Variants in NOTCH2 observed in about 807,000 individuals in gnomAD.
NOTCH2 encodes neurogenic locus notch homolog protein 2.
Under a neutral mutation model 235.8 loss-of-function variants are expected in NOTCH2, and 29 were observed. The observed-to-expected ratio is 0.12, with a 90% CI of 0.09 to 0.17. The LOEUF (loss-of-function observed/expected upper bound fraction) is 0.17. Ranked by LOEUF, NOTCH2 falls within the 10% of genes least tolerant of loss-of-function variation. The pLI is 1.00. For synonymous variants in NOTCH2, 1,086 were observed against 1,141.5 expected (o/e 0.95, Z 0.98); for missense variants, 2,285 against 3,150.2 (o/e 0.73, Z 6.57).
At chr1:119,966,579 C>G in intron 8 of NOTCH2, 90 bp from the exon 9 acceptor site, 1 of 858,856 alleles carries the variant, frequency 1.2e-6, no homozygotes, top group African/African-American at 1.7e-5. Flanking sequence ...TAACTACATC[C>G]TTTGCGAGTA....
intron 16 of NOTCH2, 56 bp downstream of exon 16, chr1:119,948,951 C>G (rs1650360184): frequency 1.2e-6 from 2 of 1,611,842 alleles, no homozygotes; most frequent in South Asian, 1.1e-5. Flanking sequence ...ATAACCTGAC[C>G]ACTTTGTTTA....
intron 1 of NOTCH2, among the ~76,000 whole-genome samples, chr1:120,045,394 T>C (rs1654742574): frequency 1.7e-5 from 2 of 116,442 alleles, no homozygotes; most frequent in South Asian, 6.1e-4. Context: ...CAAGGTCCTG[T>C]AGGACACTCT....
chr1:120,017,816 C>A (rs1553208339), intron 2 of NOTCH2, among the ~76,000 whole-genome samples: 1 of 150,578 alleles, frequency 6.6e-6, no homozygotes, highest in African/African-American at 2.4e-5. Flanking sequence ...CATACACACA[C>A]ACAGTCCTCA....
intron 2 of NOTCH2, among the ~76,000 whole-genome samples, chr1:120,025,096 A>C (rs1224354929): frequency 6.6e-6 from 1 of 151,922 alleles, no homozygotes; most frequent in Non-Finnish European, 1.5e-5. Context: ...GATACTGAGG[A>C]GTCAGAGGTA....
chr1:120,066,520 T>G (rs1655511685), intron 1 of NOTCH2, among the ~76,000 whole-genome samples: 1 of 149,904 alleles, frequency 6.7e-6, no homozygotes, highest in South Asian at 2.1e-4. Context: ...TCAATGCAAA[T>G]TTTGTGGGCA....
chr1:119,966,168 A>G (rs897895645), intron 9 of NOTCH2, among the ~76,000 whole-genome samples: 10 of 152,232 alleles, frequency 6.6e-5, no homozygotes, highest in East Asian at 1.9e-4. Context: ...ATTCAAGAAT[A>G]GACTTGGACT....
chr1:119,950,621 G>A (rs782073221), intron 15 of NOTCH2, 103 bp downstream of exon 15: 22 of 793,942 alleles, frequency 2.8e-5, no homozygotes, highest in South Asian at 1.4e-4. Flanking sequence ...GTGAGCCCTC[G>A]GAGGAGCATT....
In NOTCH2 at chr1:119,950,585, G is replaced by C. The variant is rs1353792958; in HGVS notation, c.2479+139C>G. The C allele has an allele frequency of 3.7e-5, 27 of 727,696 alleles. No individual in the cohort carries two copies. In the Admixed American group the frequency reaches 5.2e-4, roughly 14 times the overall value. The allele number at this position is 727,696 out of a possible 1,614,324, so 45.1% of individuals were successfully genotyped here. A position where few individuals can be genotyped will look rare whatever the true frequency, so the allele number is the denominator to read the frequency against. On this transcript the variant is annotated intron_variant, in intron 15 of 33. Transcript: ENST00000256646. ...TTCCTCAAAGCTCAAGATCCAGTCA[G>C]TAAAGGCAGGAAGGACAACTGAGGA...
At position 119,916,245 on chromosome 1, in the gene NOTCH2, C is replaced by T. The variant is rs145566650; in HGVS notation, c.6477G>A (p.Thr2159=). Reference sequence around the variant, plus strand: ...GAGAGGATGTGGTGTCGGAAACATACGTGTGAGGAGATTCTAGGGAATCAA... The same window carrying T: ...GAGAGGATGTGGTGTCGGAAACATATGTGTGAGGAGATTCTAGGGAATCAA... ...SPVDSLESPH[T]YVSDTTSSPM... is the part of the protein sequence containing the mutation. Residue 2159 remains threonine, a synonymous_variant, in exon 34 of 34, where the codon ACG becomes ACA. Coordinates refer to ENST00000256646, the MANE Select transcript of NOTCH2 (RefSeq NM_024408.4). The T allele has an allele frequency of 9.5e-5, 153 of 1,614,164 alleles. No homozygotes were observed. The highest frequency in any genetic ancestry group is 9.3e-5 in the Non-Finnish European group (110 of 1,180,028).
chr1:119,921,314 G>C (rs1557804553), intron 29 of NOTCH2, among the ~76,000 whole-genome samples: 1 of 152,096 alleles, frequency 6.6e-6, no homozygotes, highest in Non-Finnish European at 1.5e-5. Flanking sequence ...CTTTCATTTT[G>C]CCAATGTCAA....
chr1:119,968,671 C>G (rs968817108), intron 6 of NOTCH2, among the ~76,000 whole-genome samples: 4 of 152,210 alleles, frequency 2.6e-5, no homozygotes, highest in Non-Finnish European at 4.4e-5. Flanking sequence ...CAATATTATG[C>G]TACCTGATGA....
At chr1:120,007,751 G>A (rs1653038764) in intron 2 of NOTCH2, among the ~76,000 whole-genome samples, 1 of 151,844 alleles carries the variant, frequency 6.6e-6, no homozygotes, top group Non-Finnish European at 1.5e-5. Context: ...GCTTATTGAG[G>A]AAAATACAAT....
intron 3 of NOTCH2, among the ~76,000 whole-genome samples, chr1:120,003,715 C>A (rs138010439): frequency 6.6e-6 from 1 of 151,384 alleles, no homozygotes; most frequent in East Asian, 1.9e-4. Context: ...AAAAAAATTA[C>A]AATAAAATGT....
chr1:119,937,801 C>T lies in NOTCH2; in HGVS notation c.3337+56G>A, dbSNP rs1477514734. On this transcript the variant is annotated intron_variant, in intron 20 of 33. Coordinates refer to ENST00000256646, the MANE Select transcript of NOTCH2 (RefSeq NM_024408.4). ...AAAAAAATGATACCTTCTCTAAATG[C>T]CACTGGACAGTCAATACTGCAGTGA... 4 of 1,598,576 alleles carry T rather than the reference C, an allele frequency of 2.5e-6. No individual in the cohort carries two copies. In the African/African-American group the frequency reaches 4.0e-5, roughly 16 times the overall value.
intron 15 of NOTCH2, 157 bp downstream of exon 15, chr1:119,950,567 A>G (rs782623684): frequency 1.4e-6 from 1 of 712,634 alleles, no homozygotes; most frequent in Non-Finnish European, 2.6e-6. Context: ...TGTTTCCTCA[A>G]AGCTCAAGAT....
chr1:119,972,110 GAGAAAGGGAGGGAGGAAGGTA>G (rs1196318709), intron 5 of NOTCH2, among the ~76,000 whole-genome samples: 1 of 146,046 alleles, frequency 6.8e-6, no homozygotes, highest in Admixed American at 6.8e-5. Flanking sequence ...GGAGGGAGGT[GAGAAAGGGAGGGAGGAAGGTA>G]AGAAAGGGAG....
At chr1:119,981,786 T>C (rs1044886159) in intron 5 of NOTCH2, among the ~76,000 whole-genome samples, 14 of 152,124 alleles carry the variant, frequency 9.2e-5, no homozygotes, top group African/African-American at 3.4e-4. Context: ...AACAGGCTTA[T>C]TATACTTCTC....
chr1:120,026,017 A>C (rs1653823617), intron 2 of NOTCH2, among the ~76,000 whole-genome samples: 1 of 140,500 alleles, frequency 7.1e-6, no homozygotes, highest in African/African-American at 3.0e-5. Context: ...GTAGTTATTT[A>C]ACAGCAATAA....
At chr1:119,925,030 C>A (rs1649423270) in intron 25 of NOTCH2, among the ~76,000 whole-genome samples, 1 of 152,154 alleles carries the variant, frequency 6.6e-6, no homozygotes, top group Non-Finnish European at 1.5e-5. Context: ...AAGTGGGAAA[C>A]ACCACTTCCA....
Sources: allele counts gnomAD v4.1 joint callset (sites outside exome capture counted in the v4.1 genomes callset), GRCh38; gene constraint gnomAD v4.1.1; transcripts MANE v1.5; gene names NCBI Gene and HGNC (gene_info 2026-07-23, HGNC 2026-07-21).